FNDC1: variants seen among roughly 807,000 people sequenced by gnomAD.
The protein encoded by FNDC1 is fibronectin type III domain-containing protein 1.
Under a neutral mutation model 168.0 loss-of-function variants are expected in FNDC1, and 96 were observed. The ratio of observed to expected loss-of-function variants is 0.57; its 90% CI spans 0.48 to 0.68. The LOEUF is 0.68. Among genes scored for constraint, FNDC1 ranks in the 30% least tolerant of loss-of-function variants. The pLI is 0.00. For synonymous variants in FNDC1, 1,099 were observed against 1,025.9 expected, an observed-to-expected ratio of 1.07 and a Z score of -1.36; for missense variants, 2,587 against 2,482.1, an observed-to-expected ratio of 1.04 and a Z score of -0.90.
rs772153654 is a variant in FNDC1 at position 159,233,643 on chromosome 6, C to T, written c.3131C>T (p.Thr1044Met). ...ACCCAGGCCGGGCGGCCCCGCCCCA[C>T]GTCGCAGGGCCGCTCCCACTCCTCC... ...SLTQAGRPRP[T>M]SQGRSHSSSD... is the part of the protein sequence containing the mutation. The change falls in exon 11 of 23, where the codon ACG becomes ATG. Residue 1044 changes from threonine (T) to methionine (M), a missense_variant. By Grantham distance (81) the Thr-to-Met change is moderately conservative. Coordinates refer to ENST00000297267, the MANE Select transcript of FNDC1 (RefSeq NM_032532.3). This position sits in a 1 kb window ranked among gnomAD's most constrained non-coding sequence, Gnocchi z 4.6. 5 of 1,554,438 alleles carry T rather than the reference C, an allele frequency of 3.2e-6. No homozygotes were observed. The highest frequency in any genetic ancestry group is 2.7e-5 in the African/African-American group (2 of 73,272).
rs370050087 is a variant in FNDC1 at position 159,185,075 on chromosome 6, G to C, written c.110-12356G>C. 6.4e-4 allele frequency among the ~76,000 whole-genome samples: 61 copies of C among 95,842 alleles called. 1 individual carries two copies. Among genetic ancestry groups the C allele is most frequent in the Middle Eastern group, 8.2e-3 (1 of 122 alleles). The allele number at this position is 95,842 out of a possible 152,430, so 62.9% of individuals were successfully genotyped here. A position where few individuals can be genotyped will look rare whatever the true frequency, so the allele number is the denominator to read the frequency against. ...GTGGTTTATATGGAGGGTGGGGGGGGGGGAATCTTGTTTTTGCTCTGAAAC... is the reference window on the plus strand; with the variant it reads ...GTGGTTTATATGGAGGGTGGGGGGGCGGGAATCTTGTTTTTGCTCTGAAAC... On this transcript the variant is annotated intron_variant, in intron 1 of 22. Coordinates refer to ENST00000297267, the MANE Select transcript of FNDC1 (RefSeq NM_032532.3).
intron 1 of FNDC1, among the ~76,000 whole-genome samples, chr6:159,182,895 A>G (rs553139307): frequency 1.3e-5 from 2 of 152,352 alleles, no homozygotes; most frequent in East Asian, 3.9e-4. Flanking sequence ...TCAACTGTCA[A>G]GATTTAAAAA....
chr6:159,268,557 CTCTA>C (rs1444997620), intron 22 of FNDC1, among the ~76,000 whole-genome samples: 12 of 152,152 alleles, frequency 7.9e-5, no homozygotes, highest in Non-Finnish European at 1.5e-4. Context: ...GGATCTCTCT[CTCTA>C]TCTATCCACC....
Position 159,226,501 on chromosome 6 carries a change from C to T in FNDC1, c.1101C>T (p.Asn367=), listed in dbSNP as rs185478935. Residue 367 remains asparagine, a synonymous_variant, in exon 9 of 23, where the codon AAC becomes AAT. Transcript: ENST00000297267. ...SAPTTAPENL[N]VWPVNGKPTV... Reference sequence around the variant, plus strand: ...CTACCACAGCTCCTGAAAACTTGAACGTCTGGCCAGTCAATGGCAAACCTA... The same window carrying T: ...CTACCACAGCTCCTGAAAACTTGAATGTCTGGCCAGTCAATGGCAAACCTA... 1.1e-3 allele frequency: 1,766 copies of T among 1,612,382 alleles called. 6 individuals carry two copies. Among genetic ancestry groups the T allele is most frequent in the African/African-American group, 4.9e-3 (365 of 74,966 alleles).
At chr6:159,197,982 T>C (rs549441795) in intron 2 of FNDC1, among the ~76,000 whole-genome samples, 6 of 152,370 alleles carry the variant, frequency 3.9e-5, no homozygotes, top group Non-Finnish European at 8.8e-5. Flanking sequence ...GACTTCGAAC[T>C]TATATGCCAT....
chr6:159,196,656 G>A (rs1782246536), intron 1 of FNDC1, among the ~76,000 whole-genome samples: 1 of 152,142 alleles, frequency 6.6e-6, no homozygotes, highest in Non-Finnish European at 1.5e-5. Flanking sequence ...TTGTTTGACT[G>A]TTGCTTGAAT....
In FNDC1 at chr6:159,191,060, G is replaced by A. The variant is rs116276697; in HGVS notation, c.110-6371G>A. On this transcript the variant is annotated intron_variant, in intron 1 of 22. Transcript: ENST00000297267. ...CGGAAAGCAAAGGGGAAGCAAGAAC[G>A]TCTACGATGGTGGAGCAAGAGAGCG... Among the ~76,000 whole-genome samples, 1,506 of 152,304 alleles carry A rather than the reference G, an allele frequency of 9.9e-3. 37 individuals carry two copies. The highest frequency in any genetic ancestry group is 0.035 in the African/African-American group (1,444 of 41,562).
At chr6:159,240,053 A>G (rs1783385368) in intron 14 of FNDC1, 96 bp downstream of exon 14, 1 of 1,191,836 alleles carries the variant, frequency 8.4e-7, no homozygotes, top group Admixed American at 3.0e-5. Flanking sequence ...AGGTATGAGC[A>G]CCGTGCACAG....
intron 1 of FNDC1, among the ~76,000 whole-genome samples, chr6:159,176,320 A>T (rs188837742): frequency 4.2e-4 from 64 of 152,328 alleles, no homozygotes; most frequent in African/African-American, 1.4e-3. Context: ...AGTCAGACAA[A>T]GACACAAAGT....
chr6:159,268,585 GTC>G (rs531755767), intron 22 of FNDC1, among the ~76,000 whole-genome samples: 7 of 151,322 alleles, frequency 4.6e-5, no homozygotes, highest in Middle Eastern at 3.4e-3. Flanking sequence ...CCATCTATCC[GTC>G]TCTCTCTCTC....
intron 4 of FNDC1, among the ~76,000 whole-genome samples, chr6:159,212,663 C>A (rs139514078): frequency 1.6e-3 from 240 of 152,240 alleles, no homozygotes; most frequent in African/African-American, 5.5e-3. Context: ...GGGAACAGTT[C>A]TTCCTGGGTG....
intron 1 of FNDC1, among the ~76,000 whole-genome samples, chr6:159,191,979 C>G (rs1454304887): frequency 2.6e-5 from 4 of 152,108 alleles, no homozygotes; most frequent in African/African-American, 9.7e-5. Flanking sequence ...AAGCAATGCT[C>G]CCACCTCAGC....
chr6:159,192,027 G>A (rs1782152426), intron 1 of FNDC1, among the ~76,000 whole-genome samples: 1 of 152,114 alleles, frequency 6.6e-6, no homozygotes, highest in African/African-American at 2.4e-5. Context: ...ACGACACCAT[G>A]TCTAGCTAAT....
intron 4 of FNDC1, among the ~76,000 whole-genome samples, chr6:159,207,682 T>G (rs1782516946): frequency 6.6e-6 from 1 of 152,250 alleles, no homozygotes; most frequent in African/African-American, 2.4e-5. Context: ...CATTTGCAAG[T>G]GAAGCCAATG....
rs535623140 is a variant in FNDC1 at position 159,271,714 on chromosome 6, A to G, written c.*272A>G. 9 of 294,428 alleles carry G rather than the reference A, an allele frequency of 3.1e-5. No individual in the cohort carries two copies. Among genetic ancestry groups the G allele is most frequent in the African/African-American group, 2.0e-4 (9 of 45,902 alleles). The allele number at this position is 294,428 out of a possible 1,614,324, so 18.2% of individuals were successfully genotyped here. A position where few individuals can be genotyped will look rare whatever the true frequency, so the allele number is the denominator to read the frequency against. ...ATAGCACATCCCAGAGACATCAGAA[A>G]CCAGCAACTGATTCAGTGTGATTTC... is the stretch of plus-strand genomic sequence containing the variant. On this transcript the variant is annotated 3_prime_UTR_variant, in exon 23 of 23. Coordinates refer to ENST00000297267, the MANE Select transcript of FNDC1 (RefSeq NM_032532.3).
chr6:159,251,076 A>G (rs1004153935), intron 16 of FNDC1, among the ~76,000 whole-genome samples: 14 of 152,168 alleles, frequency 9.2e-5, no homozygotes, highest in African/African-American at 3.4e-4. Context: ...ATTGATGTCC[A>G]TGGGGCAATA....
intron 8 of FNDC1, 66 bp from the exon 9 acceptor site, chr6:159,226,407 G>C (rs1326931334): frequency 8.1e-7 from 1 of 1,233,836 alleles, no homozygotes; most frequent in African/African-American, 1.5e-5. Context: ...TAGAGACCAT[G>C]TGCTATTTAC....
intron 5 of FNDC1, 146 bp from the exon 6 acceptor site, chr6:159,221,452 C>G (rs140207862): frequency 1.1e-5 from 7 of 649,250 alleles, no homozygotes; most frequent in Admixed American, 9.8e-5. Context: ...CCTTCATAGT[C>G]CTCAAGAAGT....
intron 1 of FNDC1, among the ~76,000 whole-genome samples, chr6:159,189,307 G>A (rs1285525877): frequency 6.6e-6 from 1 of 152,144 alleles, no homozygotes; most frequent in African/African-American, 2.4e-5. Context: ...AGCAATGTCA[G>A]GATTCTTCCT....
Sources: allele counts gnomAD v4.1 joint callset (sites outside exome capture counted in the v4.1 genomes callset), GRCh38; gene constraint gnomAD v4.1.1; non-coding constraint Gnocchi (gnomAD v3.1); transcripts MANE v1.5; gene names NCBI Gene and HGNC (gene_info 2026-07-23, HGNC 2026-07-21).